Variants in PDE4D observed in about 807,000 individuals in gnomAD.
The protein encoded by PDE4D is 3',5'-cyclic-AMP phosphodiesterase 4D.
In PDE4D, 24 loss-of-function variants were observed where a neutral mutation model predicts 87.4. That is an observed-to-expected ratio of 0.27 (90% CI 0.20 to 0.39). The LOEUF (loss-of-function observed/expected upper bound fraction) is 0.39, where lower values mean the gene tolerates loss of function less well. Among genes scored for constraint, PDE4D ranks in the 10% least tolerant of loss-of-function variants. PDE4D has a pLI of 1.00. For missense variants in PDE4D, 714 were observed against 1,041.0 expected, an observed-to-expected ratio of 0.69 and a Z score of 4.32; for synonymous variants, 384 against 383.2, an observed-to-expected ratio of 1.00 and a Z score of -0.02.
At chr5:59,991,121 C>T (rs1213470012) in intron 2 of PDE4D, among the ~76,000 whole-genome samples, 3 of 152,106 alleles carry the variant, frequency 2.0e-5, no homozygotes, top group Non-Finnish European at 4.4e-5. Flanking sequence ...AGCAGCCCTA[C>T]ATAAACATTA....
chr5:59,053,673 T>G (rs1761937711), intron 5 of PDE4D, among the ~76,000 whole-genome samples: 1 of 137,460 alleles, frequency 7.3e-6, no homozygotes, highest in African/African-American at 2.6e-5. Context: ...TTTTTTTTTT[T>G]GGCCAGGCAC....
Position 60,337,164 on chromosome 5 carries a change from C to CA in PDE4D, c.-90+150777dup, listed in dbSNP as rs10525960. Among the ~76,000 whole-genome samples, 691 of 106,364 alleles carry CA rather than the reference C, an allele frequency of 6.5e-3. 5 individuals are homozygous for CA. The highest frequency in any genetic ancestry group is 0.014 in the African/African-American group (472 of 32,848). 69.8% of individuals were successfully genotyped at this position (106,364 alleles called of 152,430 possible). A position where few individuals can be genotyped will look rare whatever the true frequency, so the allele number is the denominator to read the frequency against. On this transcript the variant is annotated intron_variant, in intron 1 of 16. Transcript: ENST00000502484. The stretch of plus-strand genomic sequence containing the variant: ...GTGAACCCTGTCTCTACTGAAAATA[C>CA]AAAAAAAAAAAAAAAAAATTTAGCT...
At chr5:59,157,492 G>C (rs1044274350) in intron 5 of PDE4D, 14 of 621,380 alleles carry the variant, frequency 2.3e-5, no homozygotes, top group Non-Finnish European at 4.0e-5. Flanking sequence ...CATTTAAAAA[G>C]AATATTCATT....
chr5:59,079,356 TG>T (rs1475709604), intron 5 of PDE4D, among the ~76,000 whole-genome samples: 10 of 152,208 alleles, frequency 6.6e-5, no homozygotes, highest in Non-Finnish European at 5.9e-5. Context: ...AGAAAAAGCA[TG>T]CATAATTTCA....
chr5:59,277,508 A>T (rs1370373168), intron 1 of PDE4D, among the ~76,000 whole-genome samples: 1 of 152,070 alleles, frequency 6.6e-6, no homozygotes, highest in African/African-American at 2.4e-5. Context: ...AAGAGGTTTA[A>T]TTTTTTTCTT....
chr5:59,835,822 G>T (rs892107508), intron 1 of PDE4D, among the ~76,000 whole-genome samples: 4 of 151,858 alleles, frequency 2.6e-5, no homozygotes, highest in Non-Finnish European at 4.4e-5. Flanking sequence ...TCCTGGGCTC[G>T]AAATCTATGT....
At chr5:59,869,164 C>T (rs559510671) in intron 1 of PDE4D, among the ~76,000 whole-genome samples, 2 of 152,252 alleles carry the variant, frequency 1.3e-5, no homozygotes, top group East Asian at 3.9e-4. Context: ...ATCTCATAAG[C>T]TGCTATGGAT....
At chr5:59,371,317 A>G (rs1046829558) in intron 1 of PDE4D, among the ~76,000 whole-genome samples, 3 of 152,222 alleles carry the variant, frequency 2.0e-5, no homozygotes, top group Non-Finnish European at 4.4e-5. Flanking sequence ...TGAAATAATA[A>G]AAGCAGAATT....
intron 1 of PDE4D, among the ~76,000 whole-genome samples, chr5:60,487,123 G>C (rs1444085068): frequency 1.3e-5 from 2 of 152,156 alleles, no homozygotes; most frequent in Non-Finnish European, 2.9e-5. Flanking sequence ...ATGTTTTCTG[G>C]TTTTCCACTT....
At chr5:59,690,999 T>C (rs1750816084) in intron 1 of PDE4D, among the ~76,000 whole-genome samples, 2 of 151,974 alleles carry the variant, frequency 1.3e-5, no homozygotes, top group Non-Finnish European at 2.9e-5. Context: ...ATCAGAGAAA[T>C]GCAAATCAAA....
intron 1 of PDE4D, among the ~76,000 whole-genome samples, chr5:59,841,247 G>T (rs1222068320): frequency 6.6e-6 from 1 of 152,094 alleles, no homozygotes; most frequent in Non-Finnish European, 1.5e-5. Context: ...ACTGGAAGTG[G>T]ATGTGAGGGA....
At chr5:60,181,571 A>T (rs7734952) in intron 2 of PDE4D, among the ~76,000 whole-genome samples, 16,783 of 152,224 alleles carry the variant, frequency 0.11, 1,424 homozygotes, top group African/African-American at 0.24. Context: ...TTTATCCAAA[A>T]GTAGAACATC....
intron 1 of PDE4D, among the ~76,000 whole-genome samples, chr5:60,510,961 T>C (rs80261306): frequency 0.071 from 10,864 of 151,996 alleles, 528 homozygotes; most frequent in Non-Finnish European, 0.096. Context: ...GTAGTTTTTT[T>C]GTTTTGTTTT....
At chr5:60,136,021 C>T (rs532127531) in intron 2 of PDE4D, among the ~76,000 whole-genome samples, 21 of 152,236 alleles carry the variant, frequency 1.4e-4, no homozygotes, top group African/African-American at 4.6e-4. Context: ...ACAGGATATT[C>T]CATAGGTGGT....
chr5:59,828,693 T>C (rs991074905), intron 1 of PDE4D, among the ~76,000 whole-genome samples: 7 of 152,086 alleles, frequency 4.6e-5, no homozygotes, highest in Admixed American at 3.9e-4. Context: ...CCAAAAAATA[T>C]TGGCCTGACC....
chr5:59,178,858 C>A (rs1037295891), intron 5 of PDE4D, among the ~76,000 whole-genome samples: 3 of 152,100 alleles, frequency 2.0e-5, no homozygotes, highest in African/African-American at 7.2e-5. Flanking sequence ...TGATAGGGGT[C>A]AGATTTAGTG....
chr5:59,388,923 G>A (rs1008182824), intron 1 of PDE4D, among the ~76,000 whole-genome samples: 1 of 151,986 alleles, frequency 6.6e-6, no homozygotes, highest in Non-Finnish European at 1.5e-5. Flanking sequence ...GTGTGAGCAT[G>A]AGGTTTTGGG....
intron 1 of PDE4D, among the ~76,000 whole-genome samples, chr5:60,301,448 G>A (rs1364419253): frequency 6.6e-6 from 1 of 152,084 alleles, no homozygotes; most frequent in African/African-American, 2.4e-5. Context: ...TGTATTCCTA[G>A]GTATTTTATT....
chr5:60,223,935 A>G (rs995973790), intron 1 of PDE4D, among the ~76,000 whole-genome samples: 5 of 152,100 alleles, frequency 3.3e-5, no homozygotes, highest in Admixed American at 3.3e-4. Flanking sequence ...AGTGAAATGA[A>G]GGTTCCTCAC....
Sources: allele counts gnomAD v4.1 joint callset (sites outside exome capture counted in the v4.1 genomes callset), GRCh38; gene constraint gnomAD v4.1.1; transcripts MANE v1.5; gene names NCBI Gene and HGNC (gene_info 2026-07-23, HGNC 2026-07-21).